The following TLR6 variants were observed in gnomAD, a reference collection of about 807,000 sequenced individuals.
TLR6 encodes the protein toll-like receptor 6.
TLR6 carries 9 observed loss-of-function variants against 16.1 expected under a neutral mutation model. The observed-to-expected ratio is 0.56, with a 90% confidence interval of 0.34 to 0.98. The LOEUF is 0.98. Among genes scored for constraint, TLR6 ranks in the 50% least tolerant of loss-of-function variants. The probability of loss-of-function intolerance (pLI) is 0.02; values close to 1 mark genes in which losing one functional copy is unlikely to be tolerated. For missense variants in TLR6, 786 were observed against 921.0 expected (o/e 0.85, Z 1.90); for synonymous variants, 340 against 338.6 (o/e 1.00, Z -0.04).
chr4:38,856,394 A>T (rs183184194), intron 1 of TLR6, among the ~76,000 whole-genome samples: 1 of 152,380 alleles, frequency 6.6e-6, no homozygotes, highest in East Asian at 1.9e-4. Flanking sequence ...AATAGGTGCC[A>T]TATCAGTGGT....
At chr4:38,823,488 T>C (rs780614280), downstream of TLR6, among the ~76,000 whole-genome samples, 1 of 152,214 alleles carries the variant, frequency 6.6e-6, no homozygotes, top group Non-Finnish European at 1.5e-5. Context: ...ATCTCTGCCA[T>C]GCCCCATTCC....
chr4:38,845,395 G>A (rs1466174784), intron 1 of TLR6, among the ~76,000 whole-genome samples: 1 of 152,220 alleles, frequency 6.6e-6, no homozygotes, highest in Non-Finnish European at 1.5e-5. Context: ...TGTTGTGGAT[G>A]AAATTATAGT....
At chr4:38,853,380 AAT>A (rs770854392) in intron 1 of TLR6, among the ~76,000 whole-genome samples, 50 of 141,818 alleles carry the variant, frequency 3.5e-4, no homozygotes, top group Non-Finnish European at 3.4e-4. Flanking sequence ...AAAGTATAAT[AAT>A]AAAAAAAAAA....
At chr4:38,837,543 A>G (rs1579248041) in intron 1 of TLR6, among the ~76,000 whole-genome samples, 1 of 152,174 alleles carries the variant, frequency 6.6e-6, no homozygotes, top group East Asian at 1.9e-4. Flanking sequence ...ATGAAACTAG[A>G]CCCCTGTAAG....
At chr4:38,831,544 CA>C (rs1305070638) in intron 1 of TLR6, among the ~76,000 whole-genome samples, 1 of 152,064 alleles carries the variant, frequency 6.6e-6, no homozygotes, top group African/African-American at 2.4e-5. Context: ...TTTTGCTTTG[CA>C]AAAGACACTG....
At chr4:38,852,178 T>C (rs1712797604) in intron 1 of TLR6, among the ~76,000 whole-genome samples, 1 of 152,176 alleles carries the variant, frequency 6.6e-6, no homozygotes, top group Admixed American at 6.5e-5. Flanking sequence ...GCTAGCCATA[T>C]GGAGAAAGCT....
intron 1 of TLR6, among the ~76,000 whole-genome samples, chr4:38,851,705 GAA>G (rs1712780726): frequency 6.6e-6 from 1 of 152,120 alleles, no homozygotes; most frequent in Non-Finnish European, 1.5e-5. Flanking sequence ...TCTTCAAGGA[GAA>G]CTACAAACCA....
At chr4:38,863,370 A>G in the TLR6 span, among the ~76,000 whole-genome samples, 1 of 152,100 alleles carries the variant, frequency 6.6e-6, no homozygotes, top group South Asian at 2.1e-4. Flanking sequence ...CTTGGACCAC[A>G]TCTCTAACTC....
chr4:38,867,091 T>C, the TLR6 span, among the ~76,000 whole-genome samples: 1 of 152,214 alleles, frequency 6.6e-6, no homozygotes, highest in East Asian at 1.9e-4. Context: ...ATATGTGGCC[T>C]TCCCTCCATG....
intron 1 of TLR6, chr4:38,843,767 T>C (rs1712391889): frequency 6.6e-6 from 1 of 152,148 alleles, no homozygotes; most frequent in Non-Finnish European, 1.5e-5. Flanking sequence ...GAGACACACA[T>C]ACATTTGAAA....
intron 1 of TLR6, among the ~76,000 whole-genome samples, chr4:38,843,029 A>C (rs994678255): frequency 6.6e-6 from 1 of 152,200 alleles, no homozygotes; most frequent in East Asian, 1.9e-4. Context: ...ACACTGACAA[A>C]ATGAAAAAGT....
chr4:38,836,438 G>C (rs1339822166), intron 1 of TLR6, among the ~76,000 whole-genome samples: 16 of 152,078 alleles, frequency 1.1e-4, no homozygotes, highest in Non-Finnish European at 2.4e-4. Flanking sequence ...GGAAGAAATA[G>C]AAAAATCTGA....
At chr4:38,860,471 C>CA (rs57276680), upstream of TLR6, among the ~76,000 whole-genome samples, 319 of 113,524 alleles carry the variant, frequency 2.8e-3, 2 homozygotes, top group East Asian at 0.03. Context: ...GACTCTGTCT[C>CA]AAAAAAAAAA....
At chr4:38,850,570 T>C (rs1246227528) in intron 1 of TLR6, among the ~76,000 whole-genome samples, 1 of 152,068 alleles carries the variant, frequency 6.6e-6, no homozygotes, top group Non-Finnish European at 1.5e-5. Context: ...CCCACAGAAA[T>C]ACAAACTACC....
chr4:38,834,044 T>C (rs1711767185), intron 1 of TLR6, among the ~76,000 whole-genome samples: 1 of 148,346 alleles, frequency 6.7e-6, no homozygotes, highest in African/African-American at 2.5e-5. Flanking sequence ...CTGGCCAAAA[T>C]GGTGAAACCA....
the TLR6 span, among the ~76,000 whole-genome samples, chr4:38,863,201 T>C: frequency 2.8e-4 from 43 of 152,278 alleles, no homozygotes; most frequent in African/African-American, 1.0e-3. Flanking sequence ...TTTAACACAG[T>C]TGAAAGATCC....
chr4:38,827,701 G>A (rs369148584), exon 2 of TLR6: 45 of 1,614,092 alleles, frequency 2.8e-5, no homozygotes, highest in Middle Eastern at 3.3e-4. Flanking sequence ...TGGTGGCACC[G>A]ATGGTGACGA....
At chr4:38,831,148 T>C (rs1389520131) in intron 1 of TLR6, among the ~76,000 whole-genome samples, 2 of 151,592 alleles carry the variant, frequency 1.3e-5, no homozygotes, top group Non-Finnish European at 2.9e-5. Context: ...AATAGACAAA[T>C]AGGTCAAATG....
intron 1 of TLR6, among the ~76,000 whole-genome samples, chr4:38,841,144 T>C (rs1430040396): frequency 6.6e-6 from 1 of 152,178 alleles, no homozygotes; most frequent in East Asian, 1.9e-4. Flanking sequence ...CTATGCTATG[T>C]ATTTCATCTT....
Sources: gnomAD v4.1 joint callset for allele counts (sites outside exome capture counted in the v4.1 genomes callset) on GRCh38, gnomAD v4.1.1 for gene constraint, MANE v1.5 for transcripts, NCBI Gene and HGNC (gene_info 2026-07-23, HGNC 2026-07-21) for gene names.